The following PKNOX2 variants were observed in gnomAD, a reference collection of about 807,000 sequenced individuals.
The protein encoded by PKNOX2 is PBX/knotted 1 homeobox 2, also known as homeobox protein PKNOX2.
PKNOX2 carries 14 observed loss-of-function variants against 53.1 expected under a neutral mutation model. The observed-to-expected ratio is 0.26, with a 90% CI of 0.17 to 0.41. The LOEUF is 0.41. Ranked by LOEUF, PKNOX2 falls within the 10% of genes least tolerant of loss-of-function variation. The pLI, the probability that PKNOX2 is intolerant of heterozygous loss-of-function variation, is 1.00. For synonymous variants in PKNOX2, 257 were observed against 242.8 expected (o/e 1.06, Z -0.54); for missense variants, 496 against 602.8 (o/e 0.82, Z 1.85).
chr11:125,265,535 G>A (rs1169009284), intron 2 of PKNOX2, among the ~76,000 whole-genome samples: 1 of 152,192 alleles, frequency 6.6e-6, no homozygotes, highest in Non-Finnish European at 1.5e-5. Context: ...CCCTGACACT[G>A]TTCTCTGCCC....
In PKNOX2 at chr11:125,240,101, T is replaced by C. The variant is rs547805358; in HGVS notation, c.-130+4986T>C. ...AGGAATCTGGCGGCAGAGAGGCCGA[T>C]TGATGAGATGCCGAGGTCTGCAGCC... On this transcript the variant is annotated intron_variant, in intron 2 of 12. Coordinates refer to ENST00000298282, the MANE Select transcript of PKNOX2 (RefSeq NM_001382323.2). This position sits in a 1 kb window ranked among gnomAD's most constrained non-coding sequence, Gnocchi z 4.3. 7 of 152,266 alleles carry C rather than the reference T, an allele frequency of 4.6e-5. 1 individual carries two copies. In the South Asian group the frequency reaches 6.2e-4, roughly 14 times the overall value. 9.4% of individuals were successfully genotyped at this position (152,266 alleles called of 1,614,324 possible).
intron 4 of PKNOX2, among the ~76,000 whole-genome samples, chr11:125,353,575 A>C (rs997486299): frequency 6.6e-6 from 1 of 152,202 alleles, no homozygotes; most frequent in African/African-American, 2.4e-5. Flanking sequence ...CTCCACTTCC[A>C]TATCTAAGGT....
intron 5 of PKNOX2, among the ~76,000 whole-genome samples, chr11:125,369,812 G>A (rs574696193): frequency 1.3e-5 from 2 of 152,294 alleles, no homozygotes; most frequent in East Asian, 3.9e-4. Flanking sequence ...GGAGGGAAGG[G>A]AGTAGCGTGG....
chr11:125,203,645 C>T (rs1324987831), intron 1 of PKNOX2, among the ~76,000 whole-genome samples: 1 of 152,194 alleles, frequency 6.6e-6, no homozygotes, highest in Non-Finnish European at 1.5e-5. Context: ...AACCACAAAC[C>T]CAAATGTGCT....
intron 2 of PKNOX2, among the ~76,000 whole-genome samples, chr11:125,243,403 A>G (rs1943308637): frequency 3.9e-5 from 6 of 152,160 alleles, no homozygotes; most frequent in Admixed American, 3.9e-4. Context: ...CCTGTCCCCA[A>G]AGTGGGCCCA....
Position 125,370,205 on chromosome 11 carries a change from C to T in PKNOX2, c.227+2220C>T, listed in dbSNP as rs1321678869. On this transcript the variant is annotated intron_variant, in intron 5 of 12. Transcript: ENST00000298282. The surrounding 1 kb of genome is among the most constrained non-coding windows in gnomAD (Gnocchi z 4.1). ...TCATGTCCCGATGGAACCTAAGCAG[C>T]AGACTTGATAAGAATCAATGAGACG... 1.3e-5 allele frequency among the ~76,000 whole-genome samples: 2 copies of T among 152,176 alleles called. No individual in the cohort carries two copies. The highest frequency in any genetic ancestry group is 2.9e-5 in the Non-Finnish European group (2 of 68,044).
chr11:125,208,111 G>A (rs1200653058), intron 1 of PKNOX2, among the ~76,000 whole-genome samples: 1 of 152,050 alleles, frequency 6.6e-6, no homozygotes, highest in Non-Finnish European at 1.5e-5. Context: ...GGGTGACCAG[G>A]GGATGATTCA....
chr11:125,426,565 C>T (rs540122095), intron 10 of PKNOX2, among the ~76,000 whole-genome samples: 2 of 149,728 alleles, frequency 1.3e-5, no homozygotes, highest in African/African-American at 2.4e-5. Flanking sequence ...CAGTTCACTA[C>T]ACAATCCTTC....
At chr11:125,351,902 T>G (rs1458739372) in intron 4 of PKNOX2, among the ~76,000 whole-genome samples, 1 of 152,148 alleles carries the variant, frequency 6.6e-6, no homozygotes, top group Non-Finnish European at 1.5e-5. Context: ...GGGCTTCTAC[T>G]TTTAAAAAGC....
At chr11:125,282,373 A>G (rs1309471246) in intron 2 of PKNOX2, among the ~76,000 whole-genome samples, 1 of 152,134 alleles carries the variant, frequency 6.6e-6, no homozygotes, top group Non-Finnish European at 1.5e-5. Context: ...TAAAGTGTTC[A>G]CCACCAGGAC....
At chr11:125,364,139 G>T (rs565339389) in intron 4 of PKNOX2, among the ~76,000 whole-genome samples, 16 of 152,230 alleles carry the variant, frequency 1.1e-4, no homozygotes, top group Non-Finnish European at 2.1e-4. Flanking sequence ...CATCCTCCTG[G>T]CCCCCAAGCC....
intron 2 of PKNOX2, among the ~76,000 whole-genome samples, chr11:125,324,336 T>C (rs956828163): frequency 1.3e-5 from 2 of 152,166 alleles, no homozygotes; most frequent in African/African-American, 4.8e-5. Context: ...AAATAATAAA[T>C]TGGATAATAT....
At chr11:125,194,054 G>A (rs539703926) in intron 1 of PKNOX2, among the ~76,000 whole-genome samples, 4 of 152,332 alleles carry the variant, frequency 2.6e-5, no homozygotes, top group Non-Finnish European at 2.9e-5. Context: ...GGCCCCGTAG[G>A]AGGGGTAAAG....
chr11:125,185,138 G>A (rs1460500588), intron 1 of PKNOX2, among the ~76,000 whole-genome samples: 1 of 152,200 alleles, frequency 6.6e-6, no homozygotes, highest in Non-Finnish European at 1.5e-5. Flanking sequence ...TTGCCTCCTG[G>A]CATTTCTTCC....
At chr11:125,178,686 GAGAGAGAGAGAGAA>G (rs1955940368) in intron 1 of PKNOX2, among the ~76,000 whole-genome samples, 1 of 135,710 alleles carries the variant, frequency 7.4e-6, no homozygotes, top group African/African-American at 3.2e-5. Flanking sequence ...AAGAGAGAGA[GAGAGAGAGAGAGAA>G]AGAAAGAAAG....
chr11:125,173,518 T>C (rs1484218883), intron 1 of PKNOX2, among the ~76,000 whole-genome samples: 1 of 152,216 alleles, frequency 6.6e-6, no homozygotes, highest in Non-Finnish European at 1.5e-5. Flanking sequence ...AGATCTTTCA[T>C]AAAAGAACCA....
chr11:125,286,238 A>G (rs571564463), intron 2 of PKNOX2, among the ~76,000 whole-genome samples: 1 of 152,364 alleles, frequency 6.6e-6, no homozygotes, highest in South Asian at 2.1e-4. Context: ...AAAACAGCAC[A>G]GTCGTAACTA....
intron 2 of PKNOX2, among the ~76,000 whole-genome samples, chr11:125,249,215 T>C (rs982178722): frequency 3.3e-5 from 5 of 151,874 alleles, no homozygotes; most frequent in African/African-American, 7.3e-5. Context: ...CAAATATGTG[T>C]GGCTGGACTC....
intron 1 of PKNOX2, among the ~76,000 whole-genome samples, chr11:125,194,409 G>T (rs1306033318): frequency 6.6e-6 from 1 of 152,172 alleles, no homozygotes; most frequent in Non-Finnish European, 1.5e-5. Flanking sequence ...AGAAGATATT[G>T]AGCAGGTGCT....
Sources: allele counts gnomAD v4.1 joint callset (sites outside exome capture counted in the v4.1 genomes callset), GRCh38; gene constraint gnomAD v4.1.1; non-coding constraint Gnocchi (gnomAD v3.1); transcripts MANE v1.5; gene names NCBI Gene and HGNC (gene_info 2026-07-23, HGNC 2026-07-21).